Variants in LARGE1 observed in about 807,000 individuals in gnomAD.
LARGE1 encodes LARGE xylosyl- and glucuronyltransferase 1.
Under a neutral mutation model 87.6 loss-of-function variants are expected in LARGE1, and 43 were observed. That is an observed-to-expected ratio of 0.49 (90% confidence interval 0.38 to 0.63). LARGE1 has a LOEUF of 0.63. LARGE1 is among the 30% of genes least tolerant of loss of function. LARGE1 has a pLI of 0.00. For missense variants in LARGE1, 802 were observed against 1,000.2 expected (o/e 0.80, Z 2.67); for synonymous variants, 434 against 394.6 (o/e 1.10, Z -1.18).
chr22:33,270,857 C>T (rs796612496), downstream of LARGE1, among the ~76,000 whole-genome samples: 16 of 152,322 alleles, frequency 1.1e-4, no homozygotes, highest in African/African-American at 3.8e-4. Context: ...CAAATATGTG[C>T]TCTGTAAATC....
intron 7 of LARGE1, among the ~76,000 whole-genome samples, chr22:33,409,374 C>T (rs9609780): frequency 6.6e-6 from 1 of 152,068 alleles, no homozygotes; most frequent in Non-Finnish European, 1.5e-5. Flanking sequence ...AGGTCAGGAT[C>T]CAGGCAACAA....
At chr22:33,867,458 C>T (rs1297066834) in intron 1 of LARGE1, among the ~76,000 whole-genome samples, 1 of 152,148 alleles carries the variant, frequency 6.6e-6, no homozygotes, top group African/African-American at 2.4e-5. Flanking sequence ...TCCCACTGCC[C>T]AGAAAACCCC....
intron 2 of LARGE1, among the ~76,000 whole-genome samples, chr22:33,671,240 C>A (rs919065427): frequency 6.6e-6 from 1 of 152,192 alleles, no homozygotes; most frequent in Admixed American, 6.5e-5. Context: ...CTGAGTTTTA[C>A]TGGATTTCCC....
intron 1 of LARGE1, among the ~76,000 whole-genome samples, chr22:33,802,538 T>C (rs1473746256): frequency 6.6e-6 from 1 of 152,230 alleles, no homozygotes; most frequent in Non-Finnish European, 1.5e-5. Context: ...GGAGGTTTTC[T>C]TCCCCGTTCT....
intron 2 of LARGE1, among the ~76,000 whole-genome samples, chr22:33,702,045 G>A (rs909130116): frequency 3.3e-5 from 5 of 152,150 alleles, no homozygotes; most frequent in African/African-American, 1.2e-4. Flanking sequence ...TGCAAGAGCC[G>A]GCTCCACTGC....
rs1359545531 is a variant in LARGE1, at chr22:33,744,549, C to CA, written c.106+16821dup. 2.0e-5 allele frequency among the ~76,000 whole-genome samples: 3 copies of CA among 152,240 alleles called. No homozygotes were observed. In the East Asian group the frequency reaches 5.8e-4, roughly 29 times the overall value. On this transcript the variant is annotated intron_variant, in intron 2 of 14. Coordinates refer to ENST00000397394, the MANE Select transcript of LARGE1 (RefSeq NM_133642.5). Reference sequence around the variant, plus strand: ...GACAACGTGCTTTCCCATGGGTCCTCAGAGCATGCCTGCTGCCGTGATGCC... The same window carrying CA: ...GACAACGTGCTTTCCCATGGGTCCTCAAGAGCATGCCTGCTGCCGTGATGCC...
At chr22:33,582,994 C>T in intron 5 of LARGE1, among the ~76,000 whole-genome samples, 1 of 152,206 alleles carries the variant, frequency 6.6e-6, no homozygotes, top group East Asian at 1.9e-4. Context: ...TCAGGGGAAA[C>T]AAACCACATT....
At chr22:33,438,460 C>G (rs1056165071) in intron 6 of LARGE1, among the ~76,000 whole-genome samples, 1 of 152,238 alleles carries the variant, frequency 6.6e-6, no homozygotes, top group Admixed American at 6.5e-5. Context: ...GAAAATGAAG[C>G]TGTCTTCTTT....
chr22:33,774,473 C>T (rs2085171011), intron 1 of LARGE1, among the ~76,000 whole-genome samples: 1 of 152,154 alleles, frequency 6.6e-6, no homozygotes, highest in Admixed American at 6.5e-5. Context: ...TCTCCTGACT[C>T]AGCCTCCCGA....
intron 9 of LARGE1, among the ~76,000 whole-genome samples, chr22:33,349,478 G>C (rs1940150420): frequency 6.6e-6 from 1 of 152,170 alleles, no homozygotes; most frequent in Non-Finnish European, 1.5e-5. Context: ...ACTAGCTAAA[G>C]TGACACTGTC....
At chr22:33,751,199 G>C (rs1478113103) in intron 2 of LARGE1, among the ~76,000 whole-genome samples, 1 of 152,166 alleles carries the variant, frequency 6.6e-6, no homozygotes, top group African/African-American at 2.4e-5. Context: ...TTAAAATTAA[G>C]GCTGGGCGTG....
the LARGE1 span, among the ~76,000 whole-genome samples, chr22:33,089,476 CTCT>C: frequency 1.1e-5 from 1 of 90,754 alleles, no homozygotes; most frequent in Admixed American, 1.2e-4. Flanking sequence ...CTTCTTCTTC[CTCT>C]TCCTCTTCCT....
At chr22:33,305,858 T>TTTTTG (rs397805022) in intron 11 of LARGE1, among the ~76,000 whole-genome samples, 2 of 151,008 alleles carry the variant, frequency 1.3e-5, no homozygotes, top group African/African-American at 2.4e-5. Context: ...TTTTTTTTTT[T>TTTTTG]GAGGCGGAGT....
At chr22:33,665,635 G>T (rs572297608) in intron 2 of LARGE1, among the ~76,000 whole-genome samples, 1 of 152,316 alleles carries the variant, frequency 6.6e-6, no homozygotes, top group East Asian at 1.9e-4. Context: ...GCTCATACCT[G>T]TAATTCCAGC....
intron 1 of LARGE1, among the ~76,000 whole-genome samples, chr22:33,772,060 G>A (rs1439962314): frequency 3.9e-5 from 6 of 152,146 alleles, no homozygotes; most frequent in Non-Finnish European, 7.3e-5. Context: ...TTGGCCAGGC[G>A]CGGCGGCTCA....
chr22:33,234,127 A>G (rs1452289912), intron 11 of LARGE1, among the ~76,000 whole-genome samples: 3 of 152,246 alleles, frequency 2.0e-5, no homozygotes, highest in Admixed American at 6.5e-5. Flanking sequence ...TGTGTCAACA[A>G]GGAGTCTCTG....
At chr22:33,616,377 A>T (rs571442523) in intron 4 of LARGE1, among the ~76,000 whole-genome samples, 9 of 152,160 alleles carry the variant, frequency 5.9e-5, no homozygotes, top group East Asian at 1.9e-4. Flanking sequence ...TTAAAAAATT[A>T]AAAAATTAGC....
At chr22:33,124,530 C>T in the LARGE1 span, among the ~76,000 whole-genome samples, 8 of 152,144 alleles carry the variant, frequency 5.3e-5, no homozygotes, top group Non-Finnish European at 1.0e-4. Flanking sequence ...CTCGCTGTCT[C>T]ACTGATCATT....
chr22:33,682,289 C>T (rs888619925), intron 2 of LARGE1, among the ~76,000 whole-genome samples: 15 of 152,210 alleles, frequency 9.9e-5, no homozygotes, highest in African/African-American at 3.6e-4. Flanking sequence ...TTGACGTTAA[C>T]ACAGTGGTCT....
Sources: allele counts gnomAD v4.1 joint callset (sites outside exome capture counted in the v4.1 genomes callset), GRCh38; gene constraint gnomAD v4.1.1; transcripts MANE v1.5; gene names NCBI Gene and HGNC (gene_info 2026-07-23, HGNC 2026-07-21).